Variants in PJA2 observed in about 807,000 individuals in gnomAD.
PJA2 encodes the protein E3 ubiquitin-protein ligase Praja-2.
PJA2 carries 25 observed loss-of-function variants against 69.3 expected under a neutral mutation model. That is an observed-to-expected ratio of 0.36 (90% confidence interval 0.26 to 0.50). The LOEUF is 0.50. PJA2 is among the 20% of genes least tolerant of loss of function. The pLI is 0.96. For missense variants in PJA2, 809 were observed against 830.2 expected, an observed-to-expected ratio of 0.97 and a Z score of 0.31; for synonymous variants, 308 against 277.8, an observed-to-expected ratio of 1.11 and a Z score of -1.08.
At chr5:109,393,009 G>C (rs1747317600) in intron 1 of PJA2, among the ~76,000 whole-genome samples, 1 of 152,028 alleles carries the variant, frequency 6.6e-6, no homozygotes, top group Non-Finnish European at 1.5e-5. Flanking sequence ...CTGCAAAATG[G>C]AATTTAAAAT....
chr5:109,399,448 C>T (rs1004293125), intron 1 of PJA2, among the ~76,000 whole-genome samples: 14 of 152,156 alleles, frequency 9.2e-5, no homozygotes, highest in Admixed American at 9.2e-4. Flanking sequence ...TATGGGCACA[C>T]AGAGAAAGCT....
chr5:109,364,312 A>G (rs747810290), intron 5 of PJA2, among the ~76,000 whole-genome samples: 11 of 152,134 alleles, frequency 7.2e-5, no homozygotes, highest in Non-Finnish European at 1.6e-4. Context: ...GAGAATAGTC[A>G]TGAGGAAATT....
chr5:109,401,631 AAATT>A (rs1747553979), intron 1 of PJA2, among the ~76,000 whole-genome samples: 1 of 152,246 alleles, frequency 6.6e-6, no homozygotes, highest in African/African-American at 2.4e-5. Context: ...TGTGAACAAT[AAATT>A]TATATCCAGC....
intron 7 of PJA2, among the ~76,000 whole-genome samples, chr5:109,348,560 C>T (rs1262597301): frequency 6.6e-6 from 1 of 152,150 alleles, no homozygotes; most frequent in African/African-American, 2.4e-5. Context: ...AAACAGTGTG[C>T]CCTCCACAGA....
chr5:109,391,680 T>C (rs979545438), intron 1 of PJA2, among the ~76,000 whole-genome samples: 2 of 151,822 alleles, frequency 1.3e-5, no homozygotes, highest in African/African-American at 4.8e-5. Flanking sequence ...AAGAAAAATC[T>C]CATTATTCAC....
chr5:109,402,161 A>G (rs1342869355), intron 1 of PJA2, among the ~76,000 whole-genome samples: 1 of 152,170 alleles, frequency 6.6e-6, no homozygotes, highest in African/African-American at 2.4e-5. Context: ...TGCACTCAAA[A>G]ATAGGCATCA....
At position 109,336,801 on chromosome 5, in the gene PJA2, T is replaced by G. The variant is rs1761952449; in HGVS notation, c.*430A>C. The G allele has an allele frequency of 6.6e-6, 1 of 152,616 alleles. No homozygotes were observed. The highest frequency in any genetic ancestry group is 1.5e-5 in the Non-Finnish European group (1 of 68,382). The allele number at this position is 152,616 out of a possible 1,614,324, so 9.5% of individuals were successfully genotyped here. ...AAAGGGACTAGTGAAAAAGCATACT[T>G]TAGAATTTGTTTCATTTCCAATGAA... On this transcript the variant is annotated 3_prime_UTR_variant, in exon 10 of 10. Transcript: ENST00000361189.
chr5:109,355,035 G>C (rs1476611493), intron 7 of PJA2, among the ~76,000 whole-genome samples: 1 of 152,104 alleles, frequency 6.6e-6, no homozygotes, highest in Non-Finnish European at 1.5e-5. Flanking sequence ...AAGGTGGGCT[G>C]ATTGCTTGAG....
chr5:109,356,112 G>C (rs576205390), intron 6 of PJA2, 86 bp from the exon 7 acceptor site: 23 of 812,620 alleles, frequency 2.8e-5, no homozygotes, highest in Non-Finnish European at 4.1e-5. Flanking sequence ...TTAGCATACT[G>C]ACAAGCCGAT....
At chr5:109,367,600 C>T (rs545134843) in intron 5 of PJA2, among the ~76,000 whole-genome samples, 2 of 152,186 alleles carry the variant, frequency 1.3e-5, no homozygotes, top group African/African-American at 4.8e-5. Flanking sequence ...AAAGAATACA[C>T]ATCTTTTTAG....
At chr5:109,399,976 G>C (rs763934673) in intron 1 of PJA2, among the ~76,000 whole-genome samples, 1 of 152,110 alleles carries the variant, frequency 6.6e-6, no homozygotes, top group Admixed American at 6.5e-5. Context: ...AAAACTAGGG[G>C]AGGAAGCTTT....
chr5:109,352,825 CT>C (rs1285305338), intron 7 of PJA2, among the ~76,000 whole-genome samples: 1 of 150,402 alleles, frequency 6.6e-6, no homozygotes, highest in African/African-American at 2.4e-5. Context: ...TCTATAATAT[CT>C]ATAGACATCT....
chr5:109,396,194 A>G (rs1747404451), intron 1 of PJA2, among the ~76,000 whole-genome samples: 1 of 152,070 alleles, frequency 6.6e-6, no homozygotes, highest in African/African-American at 2.4e-5. Context: ...GATTACTTCT[A>G]TTTTCATTAG....
At chr5:109,400,066 G>C (rs953106290) in intron 1 of PJA2, among the ~76,000 whole-genome samples, 1 of 152,074 alleles carries the variant, frequency 6.6e-6, no homozygotes, top group East Asian at 1.9e-4. Context: ...AAGATGGGTG[G>C]ATCACTTTAG....
intron 6 of PJA2, among the ~76,000 whole-genome samples, chr5:109,356,591 A>C (rs1762416816): frequency 6.6e-6 from 1 of 152,128 alleles, no homozygotes; most frequent in African/African-American, 2.4e-5. Context: ...ATTATTTCCC[A>C]CATATTTCTC....
chr5:109,392,243 T>C (rs1030909247), intron 1 of PJA2, among the ~76,000 whole-genome samples: 1 of 151,922 alleles, frequency 6.6e-6, no homozygotes, highest in Non-Finnish European at 1.5e-5. Flanking sequence ...GGCAGACAAA[T>C]GTATCAATGG....
chr5:109,372,495 A>C (rs1358800210), intron 4 of PJA2, among the ~76,000 whole-genome samples: 1 of 152,238 alleles, frequency 6.6e-6, no homozygotes, highest in Non-Finnish European at 1.5e-5. Flanking sequence ...AGCTCACTAC[A>C]ACACAGCTGC....
chr5:109,339,387 A>C (rs1295674530), intron 9 of PJA2, among the ~76,000 whole-genome samples: 1 of 152,228 alleles, frequency 6.6e-6, no homozygotes, highest in East Asian at 1.9e-4. Flanking sequence ...TGACTTGACC[A>C]CTACATAACC....
intron 5 of PJA2, among the ~76,000 whole-genome samples, chr5:109,364,539 C>T (rs933498090): frequency 6.7e-5 from 10 of 148,346 alleles, no homozygotes; most frequent in Admixed American, 6.1e-4. Flanking sequence ...AGGAGAATGG[C>T]GTGAACCCGG....
Sources: gnomAD v4.1 joint callset for allele counts (sites outside exome capture counted in the v4.1 genomes callset) on GRCh38, gnomAD v4.1.1 for gene constraint, MANE v1.5 for transcripts, NCBI Gene and HGNC (gene_info 2026-07-23, HGNC 2026-07-21) for gene names.